GAS7: variants seen among roughly 807,000 people sequenced by gnomAD.
The protein encoded by GAS7 is growth arrest specific 7, also known as growth arrest-specific protein 7.
GAS7 carries 28 observed loss-of-function variants against 71.1 expected under a neutral mutation model. That is an observed-to-expected ratio of 0.39 (90% confidence interval 0.29 to 0.54). The LOEUF (loss-of-function observed/expected upper bound fraction) is 0.54. Ranked by LOEUF, GAS7 falls within the 20% of genes least tolerant of loss-of-function variation. The pLI is 0.62. For synonymous variants in GAS7, 258 were observed against 245.8 expected, an observed-to-expected ratio of 1.05 and a Z score of -0.46; for missense variants, 436 against 627.8, an observed-to-expected ratio of 0.69 and a Z score of 3.27.
At chr17:10,169,142 G>A (rs779662545) in intron 1 of GAS7, among the ~76,000 whole-genome samples, 5 of 150,552 alleles carry the variant, frequency 3.3e-5, no homozygotes, top group African/African-American at 4.9e-5. Flanking sequence ...GCATGGTGGC[G>A]CGCACCTGTA....
chr17:10,008,597 CGT>C (rs2071628960), intron 2 of GAS7, among the ~76,000 whole-genome samples: 1 of 152,020 alleles, frequency 6.6e-6, no homozygotes. Flanking sequence ...GTGTTATGCA[CGT>C]AAGTATTACC....
At chr17:10,107,956 G>T (rs1400484751) in intron 1 of GAS7, among the ~76,000 whole-genome samples, 1 of 152,052 alleles carries the variant, frequency 6.6e-6, no homozygotes, top group Non-Finnish European at 1.5e-5. Flanking sequence ...TCCAGTGGGA[G>T]CTGGGCAGGA....
At chr17:10,096,053 C>T (rs988876225) in intron 1 of GAS7, among the ~76,000 whole-genome samples, 2 of 152,158 alleles carry the variant, frequency 1.3e-5, no homozygotes, top group Non-Finnish European at 2.9e-5. Context: ...TTGCCAGGTT[C>T]ATCTGCTCCC....
intron 4 of GAS7, among the ~76,000 whole-genome samples, chr17:9,966,623 C>A (rs1423122017): frequency 3.3e-5 from 5 of 152,168 alleles, no homozygotes; most frequent in Non-Finnish European, 5.9e-5. Flanking sequence ...AAACACCAAA[C>A]CTTCTTAACC....
At chr17:9,985,891 T>C (rs2070629192) in intron 2 of GAS7, among the ~76,000 whole-genome samples, 1 of 152,214 alleles carries the variant, frequency 6.6e-6, no homozygotes, top group Admixed American at 6.5e-5. Context: ...CCCCGGGGGT[T>C]GCTCCCAGGA....
In GAS7 at chr17:9,969,726, G is replaced by A. The variant is rs141181301; in HGVS notation, c.422C>T (p.Pro141Leu). 441 of 1,612,500 alleles carry A rather than the reference G, an allele frequency of 2.7e-4. No homozygotes were observed. Among genetic ancestry groups the A allele is most frequent in the Non-Finnish European group, 3.4e-4 (395 of 1,178,586 alleles). The change falls in exon 4 of 14, where the codon CCT (proline) becomes CTT (leucine). Residue 141 changes from proline (P) to leucine (L), a missense_variant. Transcript: ENST00000432992. This position sits in a 1 kb window ranked among gnomAD's most constrained non-coding sequence, Gnocchi z 5.5. ...GACACTCATGTGGGCAGTCTCTGGA[G>A]GGTGCGCTGGGGTCCCTGATGCGTG... ...GYHASGTPAH[P>L]PETAHMSVRK...
chr17:10,051,753 T>C (rs920472827), intron 1 of GAS7, among the ~76,000 whole-genome samples: 25 of 152,244 alleles, frequency 1.6e-4, no homozygotes, highest in African/African-American at 6.0e-4. Context: ...CATTTGAACA[T>C]GGGCAAGGGC....
chr17:10,132,163 C>T (rs1466647322), intron 1 of GAS7, among the ~76,000 whole-genome samples: 2 of 152,236 alleles, frequency 1.3e-5, no homozygotes, highest in Non-Finnish European at 1.5e-5. Flanking sequence ...TACATGTACT[C>T]GTGAACGTAT....
chr17:10,198,604 G>A lies in GAS7; in HGVS notation c.-214C>T. 2 of 347,034 alleles carry A rather than the reference G, an allele frequency of 5.8e-6. No individual in the cohort carries two copies. Among genetic ancestry groups the A allele is most frequent in the Non-Finnish European group, 1.0e-5 (2 of 194,228 alleles). The allele number at this position is 347,034 out of a possible 1,614,324, so 21.5% of individuals were successfully genotyped here. On this transcript the variant is annotated 5_prime_UTR_variant, in exon 1 of 14. Transcript: ENST00000432992. ...TCGTTGGCTTCGCAGAGCGAGCGGC[G>A]ACGCCCCCGGGCCGGGCAGCTCGCG...
intron 1 of GAS7, among the ~76,000 whole-genome samples, chr17:10,184,233 C>A (rs11658393): frequency 0.33 from 50,577 of 152,004 alleles, 8,578 homozygotes; most frequent in Middle Eastern, 0.41. Flanking sequence ...GCCTTTCCAG[C>A]GGCTGAATCC....
intron 1 of GAS7, among the ~76,000 whole-genome samples, chr17:10,173,160 G>A (rs1322910216): frequency 6.6e-6 from 1 of 152,120 alleles, no homozygotes; most frequent in Admixed American, 6.6e-5. Flanking sequence ...ATGAGTGGTC[G>A]CCTGATGCTG....
At chr17:9,997,216 A>G (rs1259534151) in intron 2 of GAS7, among the ~76,000 whole-genome samples, 1 of 109,592 alleles carries the variant, frequency 9.1e-6, no homozygotes, top group East Asian at 3.2e-4. Context: ...TAAATTCCAT[A>G]TGGCTTAATA....
At chr17:10,132,759 AC>A (rs2074007005) in intron 1 of GAS7, among the ~76,000 whole-genome samples, 1 of 14,570 alleles carries the variant, frequency 6.9e-5, no homozygotes, top group South Asian at 9.4e-4. Context: ...CCCTGTCTCA[AC>A]TAAAAAAAAA....
intron 1 of GAS7, among the ~76,000 whole-genome samples, chr17:10,158,672 G>A (rs1015293552): frequency 2.6e-5 from 4 of 152,016 alleles, no homozygotes; most frequent in Non-Finnish European, 4.4e-5. Flanking sequence ...TGTTAATGGC[G>A]GAATCTGATG....
intron 1 of GAS7, 98 bp downstream of exon 1, chr17:10,198,110 G>A: frequency 8.1e-7 from 1 of 1,228,294 alleles, no homozygotes; most frequent in South Asian, 1.3e-5. Context: ...GCGCCCCTCC[G>A]ACCGGGACGC....
chr17:10,052,006 C>A (rs2073068843), intron 1 of GAS7, among the ~76,000 whole-genome samples: 1 of 151,984 alleles, frequency 6.6e-6, no homozygotes, highest in African/African-American at 2.4e-5. Flanking sequence ...TTATAAAAAC[C>A]CTGGGAGGGA....
chr17:10,115,030 TCTGTCTGG>T (rs1460766033), intron 1 of GAS7, among the ~76,000 whole-genome samples: 7 of 152,180 alleles, frequency 4.6e-5, no homozygotes, highest in Non-Finnish European at 8.8e-5. Context: ...TGTCTGTCTG[TCTGTCTGG>T]CTGGCTGGCT....
At chr17:10,157,395 TG>T (rs2074213664) in intron 1 of GAS7, among the ~76,000 whole-genome samples, 1 of 152,188 alleles carries the variant, frequency 6.6e-6, no homozygotes, top group Non-Finnish European at 1.5e-5. Flanking sequence ...GACGCCTACG[TG>T]GGGAACTCAA....
rs1026717798 is a variant in GAS7 at position 9,914,052 on chromosome 17, A to G, written c.*3176T>C. ...ACCCGGATAGCGTGCTTGCCTCTCC[A>G]AAGTGCAGTCTTTTATTTTCTCAGT... On this transcript the variant is annotated 3_prime_UTR_variant, in exon 14 of 14. Transcript: ENST00000432992. The G allele has an allele frequency of 1.3e-5, 3 of 228,966 alleles. No homozygotes were observed. The highest frequency in any genetic ancestry group is 6.7e-5 in the African/African-American group (3 of 45,052). 14.2% of individuals were successfully genotyped at this position (228,966 alleles called of 1,614,324 possible).
Sources: gnomAD v4.1 joint callset for allele counts (sites outside exome capture counted in the v4.1 genomes callset) on GRCh38, gnomAD v4.1.1 for gene constraint, Gnocchi (gnomAD v3.1) non-coding constraint, MANE v1.5 for transcripts, NCBI Gene and HGNC (gene_info 2026-07-23, HGNC 2026-07-21) for gene names.